Variants in ITGB3BP observed in about 807,000 individuals in gnomAD.
The protein encoded by ITGB3BP is integrin subunit beta 3 binding protein.
In ITGB3BP, 27 loss-of-function variants were observed where a neutral mutation model predicts 29.1. The observed-to-expected ratio is 0.93, with a 90% CI of 0.68 to 1.28. The LOEUF (loss-of-function observed/expected upper bound fraction) is 1.28. ITGB3BP is among the 50% of genes most tolerant of loss of function. The pLI is 0.00. For missense variants in ITGB3BP, 192 were observed against 200.2 expected (o/e 0.96, Z 0.25); for synonymous variants, 61 against 61.4 (o/e 0.99, Z 0.03).
chr1:63,526,967 G>T (rs1454088288), upstream of ITGB3BP, among the ~76,000 whole-genome samples: 3 of 152,196 alleles, frequency 2.0e-5, no homozygotes, highest in Non-Finnish European at 4.4e-5. Context: ...GTTTTGCCAT[G>T]TTGGCCAGGC....
chr1:63,504,648 T>C (rs1646027512), intron 2 of ITGB3BP, among the ~76,000 whole-genome samples: 1 of 152,188 alleles, frequency 6.6e-6, no homozygotes, highest in Non-Finnish European at 1.5e-5. Context: ...GGCTGTGGGT[T>C]TGTCATAGAT....
chr1:63,469,280 G>C (rs75850707), intron 4 of ITGB3BP, among the ~76,000 whole-genome samples: 3 of 151,844 alleles, frequency 2.0e-5, no homozygotes. Context: ...TTAAGATGAA[G>C]ATATCTCCTT....
At chr1:63,503,637 T>C (rs972909682) in intron 2 of ITGB3BP, among the ~76,000 whole-genome samples, 1 of 152,246 alleles carries the variant, frequency 6.6e-6, no homozygotes, top group African/African-American at 2.4e-5. Context: ...AGGGTTTTTA[T>C]GGTTTTAGGT....
At chr1:63,472,765 G>A (rs1022439045) in intron 4 of ITGB3BP, among the ~76,000 whole-genome samples, 3 of 151,742 alleles carry the variant, frequency 2.0e-5, no homozygotes, top group East Asian at 2.0e-4. Flanking sequence ...ACAGAGTCTC[G>A]TTCACTCAGT....
rs1646132967 is a variant in ITGB3BP at position 63,508,693 on chromosome 1, A to G, written c.6-123T>C. The G allele has an allele frequency of 4.3e-5, 22 of 516,260 alleles. No individual in the cohort carries two copies. The South Asian group carries it at 7.1e-4, about 17-fold the overall frequency. 32.0% of individuals were successfully genotyped at this position (516,260 alleles called of 1,614,324 possible). A position where few individuals can be genotyped will look rare whatever the true frequency, so the allele number is the denominator to read the frequency against. ...CTACCAACCAATTTTTATATTATGTATTAAAGCAGAATACCATATGAAGAA... is the reference window on the plus strand; with the variant it reads ...CTACCAACCAATTTTTATATTATGTGTTAAAGCAGAATACCATATGAAGAA... On this transcript the variant is annotated intron_variant, in intron 1 of 8. Transcript: ENST00000271002.
chr1:63,443,656 G>A (rs1644755450), intron 8 of ITGB3BP, among the ~76,000 whole-genome samples: 1 of 152,154 alleles, frequency 6.6e-6, no homozygotes, highest in South Asian at 2.1e-4. Flanking sequence ...AGTGCAGACA[G>A]GTAGGTTACA....
intron 7 of ITGB3BP, among the ~76,000 whole-genome samples, chr1:63,448,738 T>C (rs540632090): frequency 2.1e-4 from 32 of 152,276 alleles, no homozygotes; most frequent in African/African-American, 7.5e-4. Context: ...TCAAGAATAG[T>C]CTTCAGTCTA....
intron 2 of ITGB3BP, among the ~76,000 whole-genome samples, chr1:63,502,322 C>T (rs1033696020): frequency 1.8e-4 from 27 of 151,992 alleles, no homozygotes; most frequent in African/African-American, 6.3e-4. Context: ...GTATACATCC[C>T]GTATATTATA....
chr1:63,457,979 TGAG>T (rs1644959829), intron 4 of ITGB3BP: 1 of 113,264 alleles, frequency 8.8e-6, no homozygotes, highest in Non-Finnish European at 2.0e-5. Flanking sequence ...GTTTTTCTCT[TGAG>T]GGAGCTACAT....
intron 2 of ITGB3BP, among the ~76,000 whole-genome samples, chr1:63,507,848 A>G (rs1395165777): frequency 2.0e-5 from 3 of 152,142 alleles, no homozygotes; most frequent in Admixed American, 1.3e-4. Context: ...GTTTTAATTT[A>G]CTTTCTCACC....
upstream of ITGB3BP, among the ~76,000 whole-genome samples, chr1:63,524,352 C>T (rs895885586): frequency 2.0e-5 from 3 of 152,354 alleles, no homozygotes; most frequent in African/African-American, 7.2e-5. Flanking sequence ...TGTGACACCA[C>T]ATCCCTGTGG....
At chr1:63,513,625 AC>A (rs145012375) in intron 1 of ITGB3BP, among the ~76,000 whole-genome samples, 1 of 152,282 alleles carries the variant, frequency 6.6e-6, no homozygotes, top group Non-Finnish European at 1.5e-5. Context: ...CACACATCAC[AC>A]ACACACACAA....
chr1:63,500,335 G>A (rs748512197), intron 2 of ITGB3BP, among the ~76,000 whole-genome samples: 7 of 151,908 alleles, frequency 4.6e-5, no homozygotes, highest in Admixed American at 1.3e-4. Context: ...CTGGGATCGC[G>A]CCATTGCACT....
intron 3 of ITGB3BP, among the ~76,000 whole-genome samples, chr1:63,481,993 C>A (rs1570220626): frequency 6.6e-6 from 1 of 152,192 alleles, no homozygotes; most frequent in Admixed American, 6.5e-5. Flanking sequence ...TTAATGTAGG[C>A]TGGGTGCGGT....
At chr1:63,519,678 C>A (rs1307001796) in intron 1 of ITGB3BP, among the ~76,000 whole-genome samples, 1 of 152,012 alleles carries the variant, frequency 6.6e-6, no homozygotes, top group Non-Finnish European at 1.5e-5. Flanking sequence ...TAATGGTTAA[C>A]TTTTACTTGG....
At chr1:63,479,710 G>A (rs1645404567) in intron 3 of ITGB3BP, among the ~76,000 whole-genome samples, 1 of 152,046 alleles carries the variant, frequency 6.6e-6, no homozygotes, top group Non-Finnish European at 1.5e-5. Flanking sequence ...GTCTTTCTGT[G>A]CCTGGCTTAC....
chr1:63,491,801 A>G (rs912429896), intron 2 of ITGB3BP, among the ~76,000 whole-genome samples: 1 of 152,100 alleles, frequency 6.6e-6, no homozygotes, highest in Non-Finnish European at 1.5e-5. Context: ...TTAAAAAATC[A>G]AACTATAATA....
intron 1 of ITGB3BP, among the ~76,000 whole-genome samples, chr1:63,516,004 G>A (rs1347825483): frequency 2.1e-5 from 3 of 143,652 alleles, no homozygotes; most frequent in Non-Finnish European, 4.5e-5. Context: ...TGGATGACTG[G>A]ATAAAGAAAT....
intron 4 of ITGB3BP, among the ~76,000 whole-genome samples, chr1:63,463,976 T>C (rs1322011686): frequency 6.6e-6 from 1 of 151,796 alleles, no homozygotes; most frequent in Non-Finnish European, 1.5e-5. Flanking sequence ...AAAAAATAAA[T>C]GAAACTGCTT....
Sources: gnomAD v4.1 joint callset for allele counts (sites outside exome capture counted in the v4.1 genomes callset) on GRCh38, gnomAD v4.1.1 for gene constraint, MANE v1.5 for transcripts, NCBI Gene and HGNC (gene_info 2026-07-23, HGNC 2026-07-21) for gene names.